SFMBT2: variants seen among roughly 807,000 people sequenced by gnomAD.
SFMBT2 encodes scm-like with four MBT domains protein 2.
Under a neutral mutation model 110.1 loss-of-function variants are expected in SFMBT2, and 38 were observed. The ratio of observed to expected loss-of-function variants is 0.35; its 90% CI spans 0.27 to 0.45. The LOEUF (loss-of-function observed/expected upper bound fraction) is 0.45. Ranked by LOEUF, SFMBT2 falls within the 20% of genes least tolerant of loss-of-function variation. The pLI, the probability that SFMBT2 is intolerant of heterozygous loss-of-function variation, is 1.00. For synonymous variants in SFMBT2, 425 were observed against 425.4 expected (o/e 1.00, Z 0.01); for missense variants, 1,011 against 1,094.9 (o/e 0.92, Z 1.08).
intron 4 of SFMBT2, among the ~76,000 whole-genome samples, chr10:7,305,961 T>A (rs1408494380): frequency 2.0e-5 from 3 of 152,256 alleles, no homozygotes; most frequent in Non-Finnish European, 4.4e-5. Context: ...CTGAAAGAAA[T>A]TAGCCTTCAG....
intron 4 of SFMBT2, among the ~76,000 whole-genome samples, chr10:7,333,918 G>A (rs1416203513): frequency 6.6e-6 from 1 of 152,142 alleles, no homozygotes; most frequent in African/African-American, 2.4e-5. Context: ...AAATGAGTTT[G>A]GGAACAAATA....
intron 5 of SFMBT2, 106 bp from the exon 6 acceptor site, chr10:7,284,256 A>ACTGG: frequency 6.6e-7 from 1 of 1,521,332 alleles, no homozygotes. Context: ...CATCCAAGGT[A>ACTGG]CTGGCGAACA....
At chr10:7,204,926 G>C in intron 12 of SFMBT2, 1 of 984,950 alleles carries the variant, frequency 1.0e-6, no homozygotes, top group Non-Finnish European at 1.2e-6. Flanking sequence ...ATGTGCGTGT[G>C]TGCACACATG....
chr10:7,212,499 C>G (rs1446199623), intron 11 of SFMBT2, among the ~76,000 whole-genome samples: 1 of 152,146 alleles, frequency 6.6e-6, no homozygotes, highest in Non-Finnish European at 1.5e-5. Flanking sequence ...ACAAGTGCTC[C>G]TTTCAGCTGG....
At chr10:7,260,848 C>T (rs577980023) in intron 7 of SFMBT2, among the ~76,000 whole-genome samples, 1 of 152,196 alleles carries the variant, frequency 6.6e-6, no homozygotes, top group East Asian at 1.9e-4. Flanking sequence ...AGTTCAAATA[C>T]CATACTGAAT....
chr10:7,261,113 G>C (rs1246532603), intron 7 of SFMBT2, among the ~76,000 whole-genome samples: 3 of 152,094 alleles, frequency 2.0e-5, no homozygotes, highest in Non-Finnish European at 4.4e-5. Context: ...CTCGAGTCAG[G>C]TTACTGTGGG....
At chr10:7,319,792 GAC>G (rs1166406687) in intron 4 of SFMBT2, among the ~76,000 whole-genome samples, 4 of 126,884 alleles carry the variant, frequency 3.2e-5, no homozygotes, top group Non-Finnish European at 5.6e-5. Context: ...GAGAGGGAGA[GAC>G]AGACAGACAG....
chr10:7,345,636 C>T (rs1588466831), intron 4 of SFMBT2, among the ~76,000 whole-genome samples: 1 of 152,240 alleles, frequency 6.6e-6, no homozygotes, highest in Non-Finnish European at 1.5e-5. Context: ...GGATTACAAG[C>T]GTGAGCCACC....
chr10:7,371,229 T>A (rs995332662), intron 2 of SFMBT2, among the ~76,000 whole-genome samples: 5 of 152,122 alleles, frequency 3.3e-5, no homozygotes, highest in Non-Finnish European at 7.4e-5. Context: ...GTTCAAGCAA[T>A]TCTCCTGCCT....
intron 14 of SFMBT2, 87 bp downstream of exon 14, chr10:7,200,327 T>C (rs1218954843): frequency 1.7e-5 from 18 of 1,038,974 alleles, no homozygotes; most frequent in Admixed American, 2.9e-5. Flanking sequence ...TTGAGATGTA[T>C]TCATATCGAC....
rs150373295 is a variant in SFMBT2, at chr10:7,162,085, G to A, written c.*1685C>T. The A allele has an allele frequency of 2.7e-4, 41 of 152,300 alleles. No homozygotes were observed. Among genetic ancestry groups the A allele is most frequent in the African/African-American group, 8.9e-4 (37 of 41,554 alleles). 9.4% of individuals were successfully genotyped at this position (152,300 alleles called of 1,614,324 possible). ...AGGGTCTGAGTGGAGATATGGAATC[G>A]CTCATGAGGATATGGAGATGGCTTC... On this transcript the variant is annotated 3_prime_UTR_variant, in exon 21 of 21. Transcript: ENST00000397167.
At chr10:7,379,475 G>C (rs1845363706) in intron 2 of SFMBT2, among the ~76,000 whole-genome samples, 1 of 152,072 alleles carries the variant, frequency 6.6e-6, no homozygotes, top group South Asian at 2.1e-4. Flanking sequence ...CTCAAAACTA[G>C]ATTTGAGTTT....
rs765508502 is a variant in SFMBT2 at position 7,205,911 on chromosome 10, G to C, written c.1348C>G (p.Pro450Ala). Residue 450 changes from proline to alanine, a missense_variant, in exon 12 of 21, where the codon CCA becomes GCA. Transcript: ENST00000397167. Reference protein sequence around the residue: ...LHLEGLQTPVPEVIVDVESMD... With the variant: ...LHLEGLQTPVAEVIVDVESMD... ...GATTCCACATCAACAATGACCTCTG[G>C]AACAGGAGTCTGCAGCCCTGCATGG... 6.2e-7 allele frequency: 1 copy of C among 1,613,852 alleles called. No individual in the cohort carries two copies. The highest frequency in any genetic ancestry group is 1.3e-5 in the African/African-American group (1 of 74,908).
At chr10:7,275,891 A>G (rs1202267492) in intron 7 of SFMBT2, among the ~76,000 whole-genome samples, 1 of 152,234 alleles carries the variant, frequency 6.6e-6, no homozygotes, top group Non-Finnish European at 1.5e-5. Context: ...TACATCTTCT[A>G]CATGAAACTT....
At chr10:7,166,274 G>A (rs146580680) in intron 20 of SFMBT2, among the ~76,000 whole-genome samples, 7 of 152,342 alleles carry the variant, frequency 4.6e-5, no homozygotes, top group South Asian at 2.1e-4. Flanking sequence ...GTTAGAGAAA[G>A]TGTTGGCATG....
chr10:7,201,471 C>A (rs11818352), intron 13 of SFMBT2, among the ~76,000 whole-genome samples: 2 of 152,234 alleles, frequency 1.3e-5, no homozygotes, highest in Middle Eastern at 6.8e-3. Context: ...CCCCATCAGG[C>A]GGATAACGTG....
chr10:7,322,210 T>C (rs1843212923), intron 4 of SFMBT2, among the ~76,000 whole-genome samples: 1 of 152,238 alleles, frequency 6.6e-6, no homozygotes, highest in African/African-American at 2.4e-5. Context: ...GATGGTTTTA[T>C]ACATGGGAGT....
chr10:7,314,986 G>A lies in SFMBT2; in HGVS notation c.437-29032C>T, dbSNP rs568110760. The stretch of plus-strand genomic sequence containing the variant: ...AGAGAGAGAGAGAGAGGGAGAAAGA[G>A]AAAGAAAGAAAGAAAAGAAAGAAAG... On this transcript the variant is annotated intron_variant, in intron 4 of 20. Coordinates refer to ENST00000397167, the MANE Select transcript of SFMBT2 (RefSeq NM_001387889.1). Among the ~76,000 whole-genome samples, 6 of 142,512 alleles carry A rather than the reference G, an allele frequency of 4.2e-5. No individual in the cohort carries two copies. In the East Asian group the frequency reaches 1.2e-3, roughly 30 times the overall value. 93.5% of individuals were successfully genotyped at this position (142,512 alleles called of 152,430 possible).
At chr10:7,342,689 G>T (rs543517609) in intron 4 of SFMBT2, among the ~76,000 whole-genome samples, 7 of 151,872 alleles carry the variant, frequency 4.6e-5, no homozygotes, top group South Asian at 2.1e-4. Context: ...GAGCCACCAC[G>T]CCCGGCCTGG....
Sources: gnomAD v4.1 joint callset for allele counts (sites outside exome capture counted in the v4.1 genomes callset) on GRCh38, gnomAD v4.1.1 for gene constraint, MANE v1.5 for transcripts, NCBI Gene and HGNC (gene_info 2026-07-23, HGNC 2026-07-21) for gene names.